The following EYS variants were observed in gnomAD, a reference collection of about 807,000 sequenced individuals.
EYS encodes EGF-like photoreceptor maintenance factor.
Under a neutral mutation model 282.1 loss-of-function variants are expected in EYS, and 250 were observed. That is an observed-to-expected ratio of 0.89 (90% CI 0.80 to 0.98). The LOEUF (loss-of-function observed/expected upper bound fraction) is 0.98. EYS is among the 50% of genes least tolerant of loss of function. The pLI is 0.00. For missense variants in EYS, 4,016 were observed against 3,709.0 expected (o/e 1.08, Z -2.15); for synonymous variants, 1,355 against 1,282.9 (o/e 1.06, Z -1.20).
intron 12 of EYS, among the ~76,000 whole-genome samples, chr6:65,126,956 T>C (rs552450451): frequency 1.3e-5 from 2 of 152,244 alleles, no homozygotes; most frequent in South Asian, 4.1e-4. Context: ...GTGTGAATTG[T>C]GATCCATCAC....
intron 31 of EYS, among the ~76,000 whole-genome samples, chr6:64,097,436 T>A (rs902923908): frequency 6.6e-6 from 1 of 152,294 alleles, no homozygotes; most frequent in Admixed American, 6.5e-5. Context: ...ATTTACCTAC[T>A]CAAGCCTCAT....
intron 12 of EYS, among the ~76,000 whole-genome samples, chr6:65,281,697 C>A (rs891061645): frequency 2.6e-5 from 4 of 152,054 alleles, no homozygotes; most frequent in Admixed American, 6.6e-5. Flanking sequence ...CCATATATTT[C>A]TACTAGGCCT....
intron 26 of EYS, among the ~76,000 whole-genome samples, chr6:64,535,586 A>T (rs958554383): frequency 1.3e-5 from 2 of 151,696 alleles, no homozygotes; most frequent in African/African-American, 4.8e-5. Context: ...AAAAAAAAAA[A>T]AAAAATCAGC....
At chr6:64,947,012 A>G (rs1769308002) in intron 14 of EYS, among the ~76,000 whole-genome samples, 1 of 151,986 alleles carries the variant, frequency 6.6e-6, no homozygotes, top group Non-Finnish European at 1.5e-5. Flanking sequence ...CAGTTTCTCC[A>G]TTTGTGGATA....
chr6:63,797,483 A>C (rs184403177), intron 37 of EYS: 1 of 152,290 alleles, frequency 6.6e-6, no homozygotes, highest in African/African-American at 2.4e-5. Flanking sequence ...GGGATGCTAA[A>C]CTAAAATTAA....
Position 65,615,733 on chromosome 6 carries a change from A to G in EYS, c.-333+24045T>C, listed in dbSNP as rs1019817960. Among the ~76,000 whole-genome samples, 8 of 151,968 alleles carry G rather than the reference A, an allele frequency of 5.3e-5. No individual in the cohort carries two copies. The South Asian group carries it at 1.0e-3, about 20-fold the overall frequency. On this transcript the variant is annotated intron_variant, in intron 2 of 42. Coordinates refer to ENST00000503581, the MANE Select transcript of EYS (RefSeq NM_001142800.2). ...GCAGATCATGAGGTCAGGAGATCAA[A>G]GTCAACCTGGCTAACACGGTGAAAC...
At chr6:64,295,098 G>A (rs568974801) in intron 30 of EYS, among the ~76,000 whole-genome samples, 1 of 151,660 alleles carries the variant, frequency 6.6e-6, no homozygotes, top group Non-Finnish European at 1.5e-5. Context: ...GGTCTGGCCG[G>A]GCACGGTGGC....
At chr6:65,550,011 C>A (rs1768544216) in intron 2 of EYS, among the ~76,000 whole-genome samples, 1 of 150,212 alleles carries the variant, frequency 6.7e-6, no homozygotes, top group African/African-American at 2.4e-5. Context: ...ACCAGTGGTA[C>A]AGTGAATTCC....
chr6:63,736,058 G>T (rs1768904912), intron 41 of EYS, among the ~76,000 whole-genome samples: 1 of 152,014 alleles, frequency 6.6e-6, no homozygotes, highest in Non-Finnish European at 1.5e-5. Context: ...AGCAATATTT[G>T]GATTTGCCAG....
At chr6:64,982,855 T>C (rs753422590) in intron 14 of EYS, among the ~76,000 whole-genome samples, 2 of 151,208 alleles carry the variant, frequency 1.3e-5, no homozygotes, top group Non-Finnish European at 3.0e-5. Flanking sequence ...AAACCCAAAA[T>C]ACAGTTCTAA....
chr6:65,549,286 ATAAAGCTATATCAC>A (rs2093106180), intron 2 of EYS, among the ~76,000 whole-genome samples: 1 of 152,072 alleles, frequency 6.6e-6, no homozygotes, highest in South Asian at 2.1e-4. Flanking sequence ...ATGCAGAGAC[ATAAAGCTATATCAC>A]CAAATGCCCA....
intron 12 of EYS, among the ~76,000 whole-genome samples, chr6:65,179,892 C>T (rs1441469931): frequency 9.2e-5 from 14 of 152,090 alleles, no homozygotes; most frequent in African/African-American, 3.4e-4. Context: ...GGATGCAAGG[C>T]TGGTTCAACA....
intron 33 of EYS, among the ~76,000 whole-genome samples, chr6:64,058,270 T>TAA (rs35061217): frequency 5.1e-3 from 729 of 142,196 alleles, no homozygotes; most frequent in African/African-American, 0.017. Context: ...TTAAACCTCT[T>TAA]AAAAAAAAAA....
At chr6:63,723,273 A>C (rs1303407418) in intron 42 of EYS, among the ~76,000 whole-genome samples, 1 of 152,230 alleles carries the variant, frequency 6.6e-6, no homozygotes, top group African/African-American at 2.4e-5. Context: ...GAGAAGCAAC[A>C]TTATAAACTT....
At chr6:65,484,969 T>C (rs888607783) in intron 5 of EYS, among the ~76,000 whole-genome samples, 5 of 152,234 alleles carry the variant, frequency 3.3e-5, no homozygotes, top group African/African-American at 1.2e-4. Context: ...AGAGACCATA[T>C]GGATCAAGAA....
At chr6:64,398,542 A>T (rs1275433529) in intron 28 of EYS, among the ~76,000 whole-genome samples, 2 of 151,974 alleles carry the variant, frequency 1.3e-5, no homozygotes, top group Non-Finnish European at 2.9e-5. Flanking sequence ...ACACGTTCAA[A>T]CATATTTATC....
chr6:65,348,349 C>T (rs886869988), intron 9 of EYS, among the ~76,000 whole-genome samples: 3 of 151,684 alleles, frequency 2.0e-5, no homozygotes, highest in African/African-American at 7.3e-5. Context: ...ACATTCCCAC[C>T]AACAGTGTAC....
At chr6:65,169,653 T>C (rs1191227579) in intron 12 of EYS, among the ~76,000 whole-genome samples, 3 of 151,420 alleles carry the variant, frequency 2.0e-5, no homozygotes, top group African/African-American at 7.3e-5. Context: ...TGGAAACTTT[T>C]AAAGGCAAAA....
intron 12 of EYS, among the ~76,000 whole-genome samples, chr6:65,102,243 T>C (rs1774915342): frequency 6.6e-6 from 1 of 151,356 alleles, no homozygotes; most frequent in African/African-American, 2.4e-5. Context: ...AAAATATGTG[T>C]AGCTTGCATT....
Sources: gnomAD v4.1 joint callset for allele counts (sites outside exome capture counted in the v4.1 genomes callset) on GRCh38, gnomAD v4.1.1 for gene constraint, MANE v1.5 for transcripts, NCBI Gene and HGNC (gene_info 2026-07-23, HGNC 2026-07-21) for gene names.